NDST2: variants seen among roughly 807,000 people sequenced by gnomAD.
NDST2 encodes the protein N-deacetylase and N-sulfotransferase 2.
In NDST2, 32 loss-of-function variants were observed where a neutral mutation model predicts 86.9. The ratio of observed to expected loss-of-function variants is 0.37; its 90% CI spans 0.28 to 0.49. The LOEUF (loss-of-function observed/expected upper bound fraction) is 0.49. Ranked by LOEUF, NDST2 falls within the 20% of genes least tolerant of loss-of-function variation. The pLI is 0.97. For missense variants in NDST2, 950 were observed against 1,146.9 expected, an observed-to-expected ratio of 0.83 and a Z score of 2.48; for synonymous variants, 409 against 437.0, an observed-to-expected ratio of 0.94 and a Z score of 0.80.
chr10:73,808,165 G>C lies in NDST2; in HGVS notation c.224C>G (p.Pro75Arg), dbSNP rs534079222. The change falls in exon 3 of 15, where the codon CCC (proline) becomes CGC (arginine). Residue 75 changes from proline (P) to arginine (R), a missense_variant. Physicochemically the swap from Pro to Arg is moderately radical, Grantham distance 103 (BLOSUM62 -2). Around this residue, in one of 5 missense-constraint regions of NDST2, gnomAD observed 586 missense variants for 714.0 expected, o/e 0.82. Coordinates refer to ENST00000309979, the MANE Select transcript of NDST2 (RefSeq NM_003635.4). The surrounding 1 kb of genome is among the most constrained non-coding windows in gnomAD (Gnocchi z 4.3). ...PARPPVPPRP[P>R]RPPETARTEP... is the part of the protein sequence containing the mutation. ...AGTTCGAGCTGTCTCTGGAGGCCTG[G>C]GGGGCCGAGGTGGAACTGGAGGCCG... 3.7e-6 allele frequency: 6 copies of C among 1,614,202 alleles called. No homozygotes were observed. Among genetic ancestry groups the C allele is most frequent in the Non-Finnish European group, 5.1e-6 (6 of 1,180,022 alleles).
intron 3 of NDST2, 42 bp downstream of exon 3, chr10:73,807,342 G>A: frequency 6.2e-7 from 1 of 1,606,800 alleles, no homozygotes; most frequent in Non-Finnish European, 8.5e-7. Context: ...AGGCCAGAGT[G>A]TGAATAGCTT....
chr10:73,807,097 T>TA lies in NDST2; in HGVS notation c.1093+10dup. 1 of 1,610,446 alleles carries TA rather than the reference T, an allele frequency of 6.2e-7. No individual in the cohort carries two copies. Among genetic ancestry groups the TA allele is most frequent in the Admixed American group, 1.7e-5 (1 of 59,942 alleles). ...CTATGATATGCCAAAGGAGTAGGGG[T>TA]ATAAGCTCACCAGTATGATAGAACT... On this transcript the variant is annotated intron_variant, in intron 4 of 14. Transcript: ENST00000309979.
Position 73,806,084 on chromosome 10 carries a change from G to A in NDST2, c.1435-56C>T, listed in dbSNP as rs1012511027. ...TGAAAGATAGAATGAGAAGTAGATG[G>A]AGGACACTGGGATTTATAGAGGACT... On this transcript the variant is annotated intron_variant, in intron 6 of 14. Coordinates refer to ENST00000309979, the MANE Select transcript of NDST2 (RefSeq NM_003635.4). This position sits in a 1 kb window ranked among gnomAD's most constrained non-coding sequence, Gnocchi z 4.5. 1.9e-6 allele frequency: 3 copies of A among 1,597,928 alleles called. No individual in the cohort carries two copies. The highest frequency in any genetic ancestry group is 2.6e-6 in the Non-Finnish European group (3 of 1,170,240).
Position 73,803,676 on chromosome 10 carries a change from A to C in NDST2, c.2040T>G (p.Phe680Leu). The C allele has an allele frequency of 6.2e-7, 1 of 1,614,142 alleles. No homozygotes were observed. The highest frequency in any genetic ancestry group is 1.1e-5 in the South Asian group (1 of 91,078). ...DFLFEKSATY[F>L]DSEVVPRRGA... is the part of the protein sequence containing the mutation. ...CCCGCCGTGGTACAACTTCAGAGTC[A>C]AAGTAGGTGGCACTTTTTTCAAATA... Residue 680 changes from phenylalanine (F) to leucine (L), a missense_variant, in exon 11 of 15, where the codon TTT becomes TTG. Phe to Leu is a conservative substitution (Grantham distance 22). Around this residue, in one of 5 missense-constraint regions of NDST2, gnomAD observed 303 missense variants for 323.7 expected, o/e 0.94. Transcript: ENST00000309979.
At chr10:73,804,116 T>C (rs1468267601) in intron 9 of NDST2, 100 bp from the exon 10 acceptor site, 2 of 1,451,566 alleles carry the variant, frequency 1.4e-6, no homozygotes, top group Non-Finnish European at 1.9e-6. Context: ...CCACTCTGGG[T>C]AGGAAAATCC....
In NDST2 at chr10:73,808,113, C is replaced by G. The variant is rs776567495; in HGVS notation, c.276G>C (p.Glu92Asp). 3.1e-6 allele frequency: 5 copies of G among 1,614,116 alleles called. No individual in the cohort carries two copies. In the Admixed American group the frequency reaches 6.7e-5, roughly 22 times the overall value. ...CCTGCCCCAGCTGTGAGTATGCACT[C>G]TCCACAAACACAAGGACCACGGGTT... Reference protein sequence around the residue: ...RTEPVVLVFVESAYSQLGQEI... With the variant: ...RTEPVVLVFVDSAYSQLGQEI... Residue 92 changes from glutamate to aspartate, a missense_variant, in exon 3 of 15, where the codon GAG becomes GAC. Transcript: ENST00000309979. The surrounding 1 kb of genome is among the most constrained non-coding windows in gnomAD (Gnocchi z 4.3).
Position 73,806,761 on chromosome 10 carries a change from C to G in NDST2, c.1144G>C (p.Glu382Gln). ...CACATGTGGGGGAACCACCAGAACT[C>G]TTTGCGGTGCTTCAGCAGCATGTCG... ...GDDMLLKHRK[E>Q]FWWFPHMWSH... Residue 382 changes from glutamate to glutamine, a missense_variant, in exon 5 of 15, where the codon GAG (glutamate) becomes CAG (glutamine). Around this residue, in one of 5 missense-constraint regions of NDST2, gnomAD observed 586 missense variants for 714.0 expected, o/e 0.82. Transcript: ENST00000309979. The surrounding 1 kb of genome is among the most constrained non-coding windows in gnomAD (Gnocchi z 4.5). 1.2e-6 allele frequency: 2 copies of G among 1,614,194 alleles called. No individual in the cohort carries two copies. The highest frequency in any genetic ancestry group is 2.2e-5 in the South Asian group (2 of 91,090).
chr10:73,802,570 G>A lies in NDST2; in HGVS notation c.2533C>T (p.Leu845Phe), dbSNP rs764819367. 6 of 1,614,174 alleles carry A rather than the reference G, an allele frequency of 3.7e-6. 1 individual carries two copies. Among genetic ancestry groups the A allele is most frequent in the Middle Eastern group, 1.6e-4 (1 of 6,062 alleles). Residue 845 changes from leucine (L) to phenylalanine (F), a missense_variant, in exon 15 of 15, where the codon CTT becomes TTT. Physicochemically the swap from Leu to Phe is conservative, Grantham distance 22. Coordinates refer to ENST00000309979, the MANE Select transcript of NDST2 (RefSeq NM_003635.4). The part of the protein sequence containing the change: ...RYPDMDTESR[L>F]FLTDFFRNHN... ...TTCCGGAAAAAATCCGTAAGGAAAA[G>A]ACGGGACTGACAGGAGAAAATGAAG... is the stretch of plus-strand genomic sequence containing the variant.
chr10:73,805,253 A>G (rs1353691954), intron 8 of NDST2, among the ~76,000 whole-genome samples: 8 of 151,506 alleles, frequency 5.3e-5, no homozygotes, highest in African/African-American at 1.9e-4. Context: ...TGGCTTACAT[A>G]TGTAATCCCA....
chr10:73,805,237 G>A (rs2132865382), intron 8 of NDST2, among the ~76,000 whole-genome samples: 1 of 152,038 alleles, frequency 6.6e-6, no homozygotes, highest in East Asian at 2.0e-4. Context: ...CCCCGGCTGG[G>A]CGCAGTGGCT....
Position 73,802,020 on chromosome 10 carries a change from A to G in NDST2, c.*431T>C, listed in dbSNP as rs2083987837. The G allele has an allele frequency of 2.8e-6, 1 of 353,090 alleles. No homozygotes were observed. Among genetic ancestry groups the G allele is most frequent in the South Asian group, 2.4e-5 (1 of 41,020 alleles). The allele number at this position is 353,090 out of a possible 1,614,324, so 21.9% of individuals were successfully genotyped here. ...CTCATCCCCATTCAATGTGAATGACATTAGGGAGGCCGGGCCACAGGTAGA... is the reference window on the plus strand; with the variant it reads ...CTCATCCCCATTCAATGTGAATGACGTTAGGGAGGCCGGGCCACAGGTAGA... On this transcript the variant is annotated 3_prime_UTR_variant, in exon 15 of 15. Transcript: ENST00000309979.
chr10:73,802,008 A>AATG lies in NDST2; in HGVS notation c.*440_*442dup. Reference sequence around the variant, plus strand: ...CCACTGTCCGACCTCATCCCCATTCAATGTGAATGACATTAGGGAGGCCGG... The same window carrying AATG: ...CCACTGTCCGACCTCATCCCCATTCAATGATGTGAATGACATTAGGGAGGCCGG... On this transcript the variant is annotated 3_prime_UTR_variant, in exon 15 of 15. Coordinates refer to ENST00000309979, the MANE Select transcript of NDST2 (RefSeq NM_003635.4). 2.8e-6 allele frequency: 1 copy of AATG among 356,202 alleles called. No homozygotes were observed. The highest frequency in any genetic ancestry group is 5.3e-6 in the Non-Finnish European group (1 of 187,926). 22.1% of individuals were successfully genotyped at this position (356,202 alleles called of 1,614,324 possible).
chr10:73,807,256 G>A, intron 3 of NDST2, 61 bp from the exon 4 acceptor site: 4 of 1,558,602 alleles, frequency 2.6e-6, no homozygotes, highest in Non-Finnish European at 3.5e-6. Context: ...AAATACATGA[G>A]AAGTAGCATT....
rs771439396 is a variant in NDST2 at position 73,807,725 on chromosome 10, G to A, written c.664C>T (p.Leu222=). ...TRPSRLEPGP[L]PGDDWTIFQS... is the part of the protein sequence containing the mutation. ...AAGATGGTCCAGTCATCACCAGGCA[G>A]TGGCCCTGGTTCTAGGCGGCTGGGG... Residue 222 remains leucine (L), a synonymous_variant, in exon 3 of 15, where the codon CTG becomes TTG. Coordinates refer to ENST00000309979, the MANE Select transcript of NDST2 (RefSeq NM_003635.4). 1 of 1,614,218 alleles carries A rather than the reference G, an allele frequency of 6.2e-7. No homozygotes were observed. The highest frequency in any genetic ancestry group is 1.1e-5 in the South Asian group (1 of 91,082).
intron 2 of NDST2, among the ~76,000 whole-genome samples, chr10:73,810,337 A>T (rs1467785350): frequency 6.6e-6 from 1 of 152,106 alleles, no homozygotes; most frequent in Non-Finnish European, 1.5e-5. Context: ...GGGCGCCTGT[A>T]GTCCCAGCTA....
At chr10:73,804,611 T>C (rs904609058) in intron 9 of NDST2, among the ~76,000 whole-genome samples, 162 bp downstream of exon 9, 1 of 151,778 alleles carries the variant, frequency 6.6e-6, no homozygotes, top group Non-Finnish European at 1.5e-5. Flanking sequence ...CGCTCCAGCC[T>C]GGGCAAAGAA....
rs756208426 is a variant in NDST2 at position 73,808,346 on chromosome 10, C to T, written c.43G>A (p.Glu15Lys). 3 of 1,595,194 alleles carry T rather than the reference C, an allele frequency of 1.9e-6. No homozygotes were observed. Among genetic ancestry groups the T allele is most frequent in the South Asian group, 2.3e-5 (2 of 88,218 alleles). ...WKVVRPARQLELHRLILLLIA... is the reference protein window; with the variant it reads ...WKVVRPARQLKLHRLILLLIA... ...AGCAGCAGTATGAGGCGGTGCAGTT[C>T]CAGCTGCCGAGCTGGGCGTACCACC... The change falls in exon 3 of 15, where the codon GAA becomes AAA. Residue 15 changes from glutamate to lysine, a missense_variant. Glu to Lys is a moderately conservative substitution (Grantham distance 56). This residue lies in a region of NDST2 where 38 missense variants were observed against 42.5 expected (regional missense o/e 0.89). Coordinates refer to ENST00000309979, the MANE Select transcript of NDST2 (RefSeq NM_003635.4). This position sits in a 1 kb window ranked among gnomAD's most constrained non-coding sequence, Gnocchi z 4.3.
intron 12 of NDST2, 44 bp downstream of exon 12, chr10:73,803,145 G>A (rs928800835): frequency 6.2e-7 from 1 of 1,613,678 alleles, no homozygotes; most frequent in South Asian, 1.1e-5. Flanking sequence ...AAGGGAAGAA[G>A]AGGGGAAGGG....
chr10:73,807,607 C>T lies in NDST2; in HGVS notation c.782G>A (p.Arg261Gln), dbSNP rs574275291. Residue 261 changes from arginine to glutamine, a missense_variant, in exon 3 of 15, where the codon CGG becomes CAG. Arg to Gln is a conservative substitution (Grantham distance 43). Coordinates refer to ENST00000309979, the MANE Select transcript of NDST2 (RefSeq NM_003635.4). ...CAGGTCCTGTACCACAGTGGGAAGCCGGGCCCGACGAAGAACTGGTCCTGG... is the reference window on the plus strand; with the variant it reads ...CAGGTCCTGTACCACAGTGGGAAGCTGGGCCCGACGAAGAACTGGTCCTGG... Reference protein sequence around the residue: ...AVPGPVLRRARLPTVVQDLGL... With the variant: ...AVPGPVLRRAQLPTVVQDLGL... The T allele has an allele frequency of 1.7e-5, 27 of 1,614,182 alleles. No individual in the cohort carries two copies. The highest frequency in any genetic ancestry group is 3.3e-5 in the Admixed American group (2 of 60,024).
Sources: gnomAD v4.1 joint callset for allele counts (sites outside exome capture counted in the v4.1 genomes callset) on GRCh38, gnomAD v4.1.1 for gene constraint, gnomAD v4.1.1 regional missense constraint, Gnocchi (gnomAD v3.1) non-coding constraint, MANE v1.5 for transcripts, NCBI Gene and HGNC (gene_info 2026-07-23, HGNC 2026-07-21) for gene names.